The following ERC1 variants were observed in gnomAD, a reference collection of about 807,000 sequenced individuals.
ERC1 encodes RAB6 interacting protein 2.
A neutral mutation model predicts 132.0 loss-of-function variants in ERC1; 56 were observed. The ratio of observed to expected loss-of-function variants is 0.42; its 90% CI spans 0.34 to 0.53. ERC1 has a LOEUF of 0.53. Among genes scored for constraint, ERC1 ranks in the 20% least tolerant of loss-of-function variants. The pLI is 0.03. For missense variants in ERC1, 1,202 were observed against 1,349.9 expected, an observed-to-expected ratio of 0.89 and a Z score of 1.72; for synonymous variants, 478 against 476.1, an observed-to-expected ratio of 1.00 and a Z score of -0.05.
chr12:1,400,070 G>T (rs118091306), intron 16 of ERC1, among the ~76,000 whole-genome samples: 3,509 of 152,248 alleles, frequency 0.023, 63 homozygotes, highest in Middle Eastern at 0.054. Flanking sequence ...TAGCCACCCT[G>T]GTGGATGTGA....
At position 1,454,776 on chromosome 12, in the gene ERC1, A is replaced by C. The variant is rs371048005; in HGVS notation, c.3213+10026A>C. On this transcript the variant is annotated intron_variant, in intron 18 of 18. Transcript: ENST00000360905. ...CCATATTTTTAGCGTTTTAATACAT[A>C]TATGTTTCCATAAACAATGTACAAT... Among the ~76,000 whole-genome samples the C allele has an allele frequency of 1.6e-4, 24 of 152,300 alleles. 1 individual carries two copies. In the South Asian group the frequency reaches 5.0e-3, roughly 32 times the overall value.
chr12:1,471,767 G>A (rs963109265), intron 18 of ERC1, among the ~76,000 whole-genome samples: 1 of 152,200 alleles, frequency 6.6e-6, no homozygotes, highest in Non-Finnish European at 1.5e-5. Flanking sequence ...AGCTGGAAGA[G>A]GTCTGACAGC....
chr12:1,364,971 TA>T, intron 15 of ERC1, among the ~76,000 whole-genome samples: 1 of 152,346 alleles, frequency 6.6e-6, no homozygotes, highest in South Asian at 2.1e-4. Context: ...CCTGCTTTAG[TA>T]ACAATTGTGC....
chr12:1,297,397 A>G (rs2080036175), intron 15 of ERC1, among the ~76,000 whole-genome samples: 1 of 152,026 alleles, frequency 6.6e-6, no homozygotes. Context: ...ATCTACAGGA[A>G]GGAATGAAGA....
chr12:1,209,623 C>T (rs1957676107), intron 12 of ERC1, among the ~76,000 whole-genome samples: 1 of 152,148 alleles, frequency 6.6e-6, no homozygotes, highest in South Asian at 2.1e-4. Flanking sequence ...TAGAACAGTG[C>T]TTCTCAAACT....
chr12:1,200,563 C>CTTT (rs111688488), intron 12 of ERC1, among the ~76,000 whole-genome samples: 3 of 147,518 alleles, frequency 2.0e-5, no homozygotes, highest in African/African-American at 7.5e-5. Flanking sequence ...ATTTCCTTTT[C>CTTT]TTTTTTTTTT....
intron 13 of ERC1, among the ~76,000 whole-genome samples, chr12:1,241,946 C>T (rs559274801): frequency 1.3e-4 from 18 of 143,552 alleles, no homozygotes; most frequent in African/African-American, 4.7e-4. Flanking sequence ...GCAACCTTCA[C>T]CTCCTGGGTT....
In ERC1 at chr12:1,202,674, G is replaced by A. The variant is rs552814041; in HGVS notation, c.2351+12622G>A. 2.0e-5 allele frequency among the ~76,000 whole-genome samples: 3 copies of A among 152,148 alleles called. No individual in the cohort carries two copies. The South Asian group carries it at 6.2e-4, about 32-fold the overall frequency. On this transcript the variant is annotated intron_variant, in intron 12 of 18. Transcript: ENST00000360905. ...CTGTCTCAAAAAGGAAAAAAAAAGA[G>A]TTGTAATTTGATGCTAAAGTGAAAT...
At chr12:1,177,255 C>T (rs1342740867) in intron 8 of ERC1, among the ~76,000 whole-genome samples, 1 of 152,170 alleles carries the variant, frequency 6.6e-6, no homozygotes, top group Non-Finnish European at 1.5e-5. Context: ...ATCGGAGTGG[C>T]ACTTTTGATT....
chr12:1,228,092 GTTC>G (rs2074732826), intron 12 of ERC1, among the ~76,000 whole-genome samples: 1 of 152,126 alleles, frequency 6.6e-6, no homozygotes, highest in Non-Finnish European at 1.5e-5. Context: ...CTCCAGCTTT[GTTC>G]TTCTTACTCA....
At chr12:1,400,908 A>ATTTTTTTTTTTTTT (rs2090967822) in intron 16 of ERC1, among the ~76,000 whole-genome samples, 3 of 43,400 alleles carry the variant, frequency 6.9e-5, no homozygotes, top group Non-Finnish European at 1.7e-4. Flanking sequence ...TGTTTTGGCT[A>ATTTTTTTTTTTTTT]TTTTTGTATT....
At chr12:1,142,525 A>T (rs1163611457) in intron 8 of ERC1, among the ~76,000 whole-genome samples, 1 of 152,202 alleles carries the variant, frequency 6.6e-6, no homozygotes, top group Non-Finnish European at 1.5e-5. Context: ...GAGTGAAAGG[A>T]TGTGCATTTA....
intron 13 of ERC1, among the ~76,000 whole-genome samples, chr12:1,248,433 G>A (rs1340331957): frequency 6.6e-6 from 1 of 152,164 alleles, no homozygotes; most frequent in Admixed American, 6.5e-5. Context: ...ACAAATTTAG[G>A]TAGTGACATC....
At chr12:1,137,322 C>T (rs1949357860) in intron 7 of ERC1, among the ~76,000 whole-genome samples, 2 of 151,482 alleles carry the variant, frequency 1.3e-5, no homozygotes, top group Non-Finnish European at 2.9e-5. Context: ...TGGTCTCTAT[C>T]TCCTGACCTT....
intron 8 of ERC1, among the ~76,000 whole-genome samples, chr12:1,146,308 G>GTTTGTTT (rs1950340776): frequency 3.1e-5 from 1 of 31,812 alleles, no homozygotes; most frequent in Non-Finnish European, 6.1e-5. Flanking sequence ...TATTTTACTG[G>GTTTGTTT]TTTTTTTTTT....
intron 14 of ERC1, among the ~76,000 whole-genome samples, chr12:1,267,212 CAG>C: frequency 6.6e-6 from 1 of 152,388 alleles, no homozygotes; most frequent in African/African-American, 2.4e-5. Flanking sequence ...ATGATCCCCA[CAG>C]GGGAGAACCC....
At chr12:1,134,344 A>C (rs75969719) in intron 7 of ERC1, among the ~76,000 whole-genome samples, 1 of 149,576 alleles carries the variant, frequency 6.7e-6, no homozygotes, top group Admixed American at 6.7e-5. Flanking sequence ...AAGCTGTTCT[A>C]ATTTTTTTTT....
At chr12:1,040,981 G>A (rs1374590204) in intron 2 of ERC1, among the ~76,000 whole-genome samples, 1 of 152,094 alleles carries the variant, frequency 6.6e-6, no homozygotes. Context: ...AGAGTCCTCT[G>A]TAGCAGTAAT....
intron 16 of ERC1, among the ~76,000 whole-genome samples, chr12:1,398,036 C>T (rs1269160086): frequency 2.6e-5 from 4 of 152,074 alleles, no homozygotes; most frequent in African/African-American, 7.2e-5. Flanking sequence ...CAGGCTGGAG[C>T]GCAGGGGCAC....
Sources: gnomAD v4.1 joint callset for allele counts (sites outside exome capture counted in the v4.1 genomes callset) on GRCh38, gnomAD v4.1.1 for gene constraint, MANE v1.5 for transcripts, NCBI Gene and HGNC (gene_info 2026-07-23, HGNC 2026-07-21) for gene names.